BRIP1: variants seen among roughly 807,000 people sequenced by gnomAD.
The protein encoded by BRIP1 is BRCA1 interacting DNA helicase 1, also known as Fanconi anemia group J protein.
In BRIP1, 88 loss-of-function variants were observed where a neutral mutation model predicts 119.7. The observed-to-expected ratio is 0.74, with a 90% confidence interval of 0.62 to 0.88. The LOEUF (loss-of-function observed/expected upper bound fraction) is 0.88, where lower values mean the gene tolerates loss of function less well. Ranked by LOEUF, BRIP1 falls within the 40% of genes least tolerant of loss-of-function variation. BRIP1 has a pLI of 0.00. For missense variants in BRIP1, 1,259 were observed against 1,455.4 expected, an observed-to-expected ratio of 0.87 and a Z score of 2.20; for synonymous variants, 443 against 496.5, an observed-to-expected ratio of 0.89 and a Z score of 1.43.
At position 61,842,610 on chromosome 17, in the gene BRIP1, C is replaced by G. The variant is rs2145708552; in HGVS notation, c.627+4491G>C. 6.6e-6 allele frequency among the ~76,000 whole-genome samples: 1 copy of G among 152,138 alleles called. No individual in the cohort carries two copies. The highest frequency in any genetic ancestry group is 2.1e-4 in the South Asian group (1 of 4,818). On this transcript the variant is annotated intron_variant, in intron 6 of 19. Transcript: ENST00000259008. The surrounding 1 kb of genome is among the most constrained non-coding windows in gnomAD (Gnocchi z 5.1). The stretch of plus-strand genomic sequence containing the variant: ...ACAAAAATAAACAAAAAATAAAGAT[C>G]AGAACTACAAATATGTAATATTATT...
rs975418457 is a variant in BRIP1, at chr17:61,825,290, G to GA, written c.628-16534dup. ...ACAGAGCAAGACTCTGTCTCAAAAC[G>GA]AAAAAAAAAAGAAAAGAAAAGAAAA... On this transcript the variant is annotated intron_variant, in intron 6 of 19. Coordinates refer to ENST00000259008, the MANE Select transcript of BRIP1 (RefSeq NM_032043.3). This position sits in a 1 kb window ranked among gnomAD's most constrained non-coding sequence, Gnocchi z 4.1. 4.3e-4 allele frequency among the ~76,000 whole-genome samples: 57 copies of GA among 134,026 alleles called. No individual in the cohort carries two copies. Among genetic ancestry groups the GA allele is most frequent in the East Asian group, 3.7e-3 (17 of 4,616 alleles). 87.9% of individuals were successfully genotyped at this position (134,026 alleles called of 152,430 possible).
chr17:61,775,323 AT>A lies in BRIP1; in HGVS notation c.2097+1077del, dbSNP rs1450394948. 3.3e-5 allele frequency among the ~76,000 whole-genome samples: 5 copies of A among 152,174 alleles called. No homozygotes were observed. The highest frequency in any genetic ancestry group is 1.2e-4 in the African/African-American group (5 of 41,452). On this transcript the variant is annotated intron_variant, in intron 14 of 19. Coordinates refer to ENST00000259008, the MANE Select transcript of BRIP1 (RefSeq NM_032043.3). The surrounding 1 kb of genome is among the most constrained non-coding windows in gnomAD (Gnocchi z 4.4). ...TATGTTTTTGAAAACAAATCCTTTA[AT>A]TTATCTACAAGAGACTAATTGCTTT... is the stretch of plus-strand genomic sequence containing the variant.
At chr17:61,813,382 A>G (rs890392241) in intron 6 of BRIP1, among the ~76,000 whole-genome samples, 2 of 152,052 alleles carry the variant, frequency 1.3e-5, no homozygotes, top group African/African-American at 4.8e-5. Flanking sequence ...TATATAGCTC[A>G]TTCATCGAGA....
Position 61,804,372 on chromosome 17 carries a change from A to G in BRIP1, c.919-2898T>C, listed in dbSNP as rs1391351190. ...CAACCATACATAAAATATATAAATTATATCAGGGATAAAAGACTTTGAGGC... is the reference window on the plus strand; with the variant it reads ...CAACCATACATAAAATATATAAATTGTATCAGGGATAAAAGACTTTGAGGC... On this transcript the variant is annotated intron_variant, in intron 7 of 19. Coordinates refer to ENST00000259008, the MANE Select transcript of BRIP1 (RefSeq NM_032043.3). This position sits in a 1 kb window ranked among gnomAD's most constrained non-coding sequence, Gnocchi z 4.5. Among the ~76,000 whole-genome samples the G allele has an allele frequency of 1.3e-5, 2 of 152,046 alleles. No homozygotes were observed. The highest frequency in any genetic ancestry group is 1.9e-4 in the East Asian group (1 of 5,198).
At chr17:61,792,269 T>G (rs897318852) in intron 10 of BRIP1, among the ~76,000 whole-genome samples, 9 of 152,194 alleles carry the variant, frequency 5.9e-5, no homozygotes, top group African/African-American at 1.9e-4. Flanking sequence ...TTGAAGACTG[T>G]TTAGCAGTTT....
intron 10 of BRIP1, among the ~76,000 whole-genome samples, chr17:61,787,006 A>ATT (rs2077728014): frequency 8.5e-6 from 1 of 117,386 alleles, no homozygotes. Context: ...AAATAATTTT[A>ATT]TAAAATTATA....
intron 10 of BRIP1, 123 bp from the exon 11 acceptor site, chr17:61,784,547 T>C (rs545188400): frequency 1.8e-5 from 16 of 875,960 alleles, no homozygotes; most frequent in Admixed American, 4.3e-5. Flanking sequence ...AGAATTGCTA[T>C]AGTTTGATAG....
In BRIP1 at chr17:61,853,101, A is replaced by G. The variant is rs1284954232; in HGVS notation, c.380-3845T>C. Among the ~76,000 whole-genome samples the G allele has an allele frequency of 1.3e-5, 2 of 152,234 alleles. No homozygotes were observed. Among genetic ancestry groups the G allele is most frequent in the Admixed American group, 6.5e-5 (1 of 15,286 alleles). ...TGCCTAACAACTGTAGAACAGATTA[A>G]TAAACTGTGGTATATTCATACAAGG... On this transcript the variant is annotated intron_variant, in intron 4 of 19. Transcript: ENST00000259008. This position sits in a 1 kb window ranked among gnomAD's most constrained non-coding sequence, Gnocchi z 4.3.
intron 14 of BRIP1, among the ~76,000 whole-genome samples, chr17:61,766,908 T>C (rs1224695947): frequency 6.6e-6 from 1 of 152,116 alleles, no homozygotes; most frequent in Non-Finnish European, 1.5e-5. Context: ...TCTGTCCATA[T>C]AAAGAGTTTA....
In BRIP1 at chr17:61,793,418, C is replaced by A. The variant is rs1460161679; in HGVS notation, c.1473+179G>T. 6.6e-6 allele frequency among the ~76,000 whole-genome samples: 1 copy of A among 151,932 alleles called. No individual in the cohort carries two copies. Among genetic ancestry groups the A allele is most frequent in the Admixed American group, 6.6e-5 (1 of 15,242 alleles). ...AAACTAAATAATGCTATATTTTCAC[C>A]CACAATTTACCCATGCCATCACTTA... On this transcript the variant is annotated intron_variant, in intron 10 of 19. Coordinates refer to ENST00000259008, the MANE Select transcript of BRIP1 (RefSeq NM_032043.3). The surrounding 1 kb of genome is among the most constrained non-coding windows in gnomAD (Gnocchi z 5.2).
chr17:61,823,599 G>A lies in BRIP1; in HGVS notation c.628-14842C>T, dbSNP rs2145559140. ...AAAAAATGAACATATAGTCAGTGAT[G>A]TATAATATCAAGCTGTCTAATATAC... On this transcript the variant is annotated intron_variant, in intron 6 of 19. Transcript: ENST00000259008. The surrounding 1 kb of genome is among the most constrained non-coding windows in gnomAD (Gnocchi z 4.8). Among the ~76,000 whole-genome samples, 1 of 152,218 alleles carries A rather than the reference G, an allele frequency of 6.6e-6. No homozygotes were observed. Among genetic ancestry groups the A allele is most frequent in the East Asian group, 1.9e-4 (1 of 5,180 alleles).
rs1203866208 is a variant in BRIP1 at position 61,736,065 on chromosome 17, C to A, written c.2379+6948G>T. Among the ~76,000 whole-genome samples the A allele has an allele frequency of 2.0e-5, 3 of 152,012 alleles. No individual in the cohort carries two copies. Among genetic ancestry groups the A allele is most frequent in the East Asian group, 3.9e-4 (2 of 5,164 alleles). On this transcript the variant is annotated intron_variant, in intron 16 of 19. Transcript: ENST00000259008. This position sits in a 1 kb window ranked among gnomAD's most constrained non-coding sequence, Gnocchi z 4.4. ...TACAGGCTGGGCATGATGGCTCACA[C>A]CTATAATCCCAGCACTTTGGGAGGC... is the stretch of plus-strand genomic sequence containing the variant.
rs901791326 is a variant in BRIP1, at chr17:61,795,145, G to A, written c.1341-1416C>T. ...ACATAGTAGGTGTATATATTTATGG[G>A]GTACATGTTTTGATACAGGCATGCA... is the stretch of plus-strand genomic sequence containing the variant. On this transcript the variant is annotated intron_variant, in intron 9 of 19. Transcript: ENST00000259008. The surrounding 1 kb of genome is among the most constrained non-coding windows in gnomAD (Gnocchi z 5.6). Among the ~76,000 whole-genome samples, 41 of 151,910 alleles carry A rather than the reference G, an allele frequency of 2.7e-4. No homozygotes were observed. The highest frequency in any genetic ancestry group is 9.4e-4 in the African/African-American group (39 of 41,462).
intron 6 of BRIP1, among the ~76,000 whole-genome samples, chr17:61,840,865 A>T (rs2078648534): frequency 6.6e-6 from 1 of 152,174 alleles, no homozygotes; most frequent in Admixed American, 6.5e-5. Context: ...ATTAGTATAA[A>T]AATAGACACA....
At position 61,822,083 on chromosome 17, in the gene BRIP1, G is replaced by A. The variant is rs1401050132; in HGVS notation, c.628-13326C>T. 6.6e-6 allele frequency among the ~76,000 whole-genome samples: 1 copy of A among 152,116 alleles called. No individual in the cohort carries two copies. The highest frequency in any genetic ancestry group is 1.5e-5 in the Non-Finnish European group (1 of 68,024). ...ACAGAAGACATAATAAAAACCTCGT[G>A]TGACTGGTTTTTGATGTGAAAAATA... On this transcript the variant is annotated intron_variant, in intron 6 of 19. Transcript: ENST00000259008. This position sits in a 1 kb window ranked among gnomAD's most constrained non-coding sequence, Gnocchi z 4.4.
chr17:61,731,981 C>CTTTTTTTTTTTTTTTTTTTTTTTTTTTT (rs71299809), intron 16 of BRIP1, among the ~76,000 whole-genome samples: 4 of 83,008 alleles, frequency 4.8e-5, no homozygotes, highest in Non-Finnish European at 6.7e-5. Flanking sequence ...TTCTTTCTTT[C>CTTTTTTTTTTTTTTTTTTTTTTTTTTTT]TTTTTTTTTT....
Position 61,778,392 on chromosome 17 carries a change from A to G in BRIP1, c.1936-1830T>C, listed in dbSNP as rs1000904323. 6.6e-6 allele frequency among the ~76,000 whole-genome samples: 1 copy of G among 152,174 alleles called. No individual in the cohort carries two copies. The highest frequency in any genetic ancestry group is 1.5e-5 in the Non-Finnish European group (1 of 68,032). On this transcript the variant is annotated intron_variant, in intron 13 of 19. Coordinates refer to ENST00000259008, the MANE Select transcript of BRIP1 (RefSeq NM_032043.3). This position sits in a 1 kb window ranked among gnomAD's most constrained non-coding sequence, Gnocchi z 4.4. ...CAGAGTTTCAGTTTTTCAAGAGGAGAAAGTCTTGAGATTGGTTGCACAACA... is the reference window on the plus strand; with the variant it reads ...CAGAGTTTCAGTTTTTCAAGAGGAGGAAGTCTTGAGATTGGTTGCACAACA...
At position 61,802,749 on chromosome 17, in the gene BRIP1, T is replaced by C. The variant is rs946807839; in HGVS notation, c.919-1275A>G. ...TTTAGACATAAGGCTGCAGTGAGCA[T>C]TCTTATGCTGGTTTCTAAATATTTT... is the stretch of plus-strand genomic sequence containing the variant. On this transcript the variant is annotated intron_variant, in intron 7 of 19. Transcript: ENST00000259008. The surrounding 1 kb of genome is among the most constrained non-coding windows in gnomAD (Gnocchi z 6.0). 1.3e-5 allele frequency among the ~76,000 whole-genome samples: 2 copies of C among 152,196 alleles called. No homozygotes were observed. Among genetic ancestry groups the C allele is most frequent in the Non-Finnish European group, 2.9e-5 (2 of 68,022 alleles).
Position 61,793,850 on chromosome 17 carries a change from A to G in BRIP1, c.1341-121T>C. ...CTGTATATCTTGACATTCTTAGGACATGAATGTGGATTAATTAAGACACCT... is the reference window on the plus strand; with the variant it reads ...CTGTATATCTTGACATTCTTAGGACGTGAATGTGGATTAATTAAGACACCT... On this transcript the variant is annotated intron_variant, in intron 9 of 19. Coordinates refer to ENST00000259008, the MANE Select transcript of BRIP1 (RefSeq NM_032043.3). The surrounding 1 kb of genome is among the most constrained non-coding windows in gnomAD (Gnocchi z 5.2). 1 of 989,664 alleles carries G rather than the reference A, an allele frequency of 1.0e-6. No homozygotes were observed. Among genetic ancestry groups the G allele is most frequent in the Non-Finnish European group, 1.4e-6 (1 of 712,876 alleles). The allele number at this position is 989,664 out of a possible 1,614,324, so 61.3% of individuals were successfully genotyped here. A position where few individuals can be genotyped will look rare whatever the true frequency, so the allele number is the denominator to read the frequency against.
Sources: gnomAD v4.1 joint callset for allele counts (sites outside exome capture counted in the v4.1 genomes callset) on GRCh38, gnomAD v4.1.1 for gene constraint, Gnocchi (gnomAD v3.1) non-coding constraint, MANE v1.5 for transcripts, NCBI Gene and HGNC (gene_info 2026-07-23, HGNC 2026-07-21) for gene names.